The following RPS6KA2 variants were observed in gnomAD, a reference collection of about 807,000 sequenced individuals.
The protein encoded by RPS6KA2 is ribosomal protein S6 kinase A2.
RPS6KA2 carries 42 observed loss-of-function variants against 91.8 expected under a neutral mutation model. The observed-to-expected ratio is 0.46, with a 90% CI of 0.36 to 0.59. The LOEUF is 0.59. Among genes scored for constraint, RPS6KA2 ranks in the 20% least tolerant of loss-of-function variants. The pLI, the probability that RPS6KA2 is intolerant of heterozygous loss-of-function variation, is 0.00. For synonymous variants in RPS6KA2, 414 were observed against 393.6 expected (o/e 1.05, Z -0.61); for missense variants, 798 against 978.5 (o/e 0.82, Z 2.46).
chr6:166,492,720 CTTTT>C (rs10533292), intron 8 of RPS6KA2, among the ~76,000 whole-genome samples: 3 of 141,196 alleles, frequency 2.1e-5, no homozygotes, highest in African/African-American at 2.7e-5. Context: ...TTTTTCTTTT[CTTTT>C]TTTTTTTTTT....
At position 166,430,544 on chromosome 6, in the gene RPS6KA2, C is replaced by G. The variant is rs758931117; in HGVS notation, c.1490G>C (p.Arg497Pro). Reference protein sequence around the residue: ...ELMRGGELLDRILRQRYFSER... With the variant: ...ELMRGGELLDPILRQRYFSER... ...CGAGAAGTATCTCTGCCGGAGGATGCGGTCCAGGAGCTCCCCACCACGCAT... is the reference window on the plus strand; with the variant it reads ...CGAGAAGTATCTCTGCCGGAGGATGGGGTCCAGGAGCTCCCCACCACGCAT... Residue 497 changes from arginine (R) to proline (P), a missense_variant, in exon 16 of 21, where the codon CGC (arginine) becomes CCC (proline). By Grantham distance (103) the Arg-to-Pro change is moderately radical. Transcript: ENST00000265678. 14 of 1,613,938 alleles carry G rather than the reference C, an allele frequency of 8.7e-6. No individual in the cohort carries two copies. Among genetic ancestry groups the G allele is most frequent in the Non-Finnish European group, 1.2e-5 (14 of 1,179,946 alleles).
rs1237904328 is a variant in RPS6KA2 at position 166,448,839 on chromosome 6, C to T, written c.1217G>A (p.Gly406Glu). 2.5e-6 allele frequency: 4 copies of T among 1,613,714 alleles called. No individual in the cohort carries two copies. Among genetic ancestry groups the T allele is most frequent in the African/African-American group, 2.7e-5 (2 of 74,818 alleles). ...PVHPIVQQLH[G>E]NNIHFTDGYE... Reference sequence around the variant, plus strand: ...GCCATCGGTGAAGTGGATGTTGTTCCCGTGTAACTGCTGCAGAGGGACCAA... The same window carrying T: ...GCCATCGGTGAAGTGGATGTTGTTCTCGTGTAACTGCTGCAGAGGGACCAA... Residue 406 changes from glycine (G) to glutamate (E), a missense_variant, in exon 14 of 21, where the codon GGG (glycine) becomes GAG (glutamate). Gly to Glu is a moderately conservative substitution (Grantham distance 98). Coordinates refer to ENST00000265678, the MANE Select transcript of RPS6KA2 (RefSeq NM_021135.6). This position sits in a 1 kb window ranked among gnomAD's most constrained non-coding sequence, Gnocchi z 4.7.
At chr6:166,729,561 T>C (rs906145216) in intron 2 of RPS6KA2, among the ~76,000 whole-genome samples, 3 of 152,180 alleles carry the variant, frequency 2.0e-5, no homozygotes, top group Non-Finnish European at 4.4e-5. Context: ...AAGCTGGTCT[T>C]GAACTCCTGG....
intron 2 of RPS6KA2, among the ~76,000 whole-genome samples, chr6:166,757,260 C>G (rs1183972154): frequency 6.6e-6 from 1 of 152,164 alleles, no homozygotes; most frequent in East Asian, 1.9e-4. Context: ...TGAAAATACA[C>G]TTGGGAACAG....
At position 166,821,661 on chromosome 6, in the gene RPS6KA2, C is replaced by G. The variant is rs1475208813; in HGVS notation, c.123+36539G>C. Among the ~76,000 whole-genome samples the G allele has an allele frequency of 6.6e-6, 1 of 152,004 alleles. No homozygotes were observed. The highest frequency in any genetic ancestry group is 1.9e-4 in the East Asian group (1 of 5,184). ...TATTGCTGTGCCCCAGATTTCCACT[C>G]GGAGCCCTCATCCCTTCATAATCTG... On this transcript the variant is annotated intron_variant, in intron 2 of 21. Transcript: ENST00000503859. This position sits in a 1 kb window ranked among gnomAD's most constrained non-coding sequence, Gnocchi z 4.1.
chr6:166,641,719 C>CCAAAAAAAAAAAAAAAAAAAAAA (rs1787440052), intron 2 of RPS6KA2, among the ~76,000 whole-genome samples: 1 of 28,524 alleles, frequency 3.5e-5, no homozygotes, highest in African/African-American at 8.6e-5. Context: ...GACTCTGTCA[C>CCAAAAAAAAAAAAAAAAAAAAAA]AAAAAAAAAA....
At position 166,584,276 on chromosome 6, in the gene RPS6KA2, T is replaced by C. The variant is rs1418353485; in HGVS notation, c.99+42645A>G. 2.0e-5 allele frequency among the ~76,000 whole-genome samples: 3 copies of C among 152,340 alleles called. No individual in the cohort carries two copies. In the East Asian group the frequency reaches 5.8e-4, roughly 29 times the overall value. On this transcript the variant is annotated intron_variant, in intron 1 of 20. Coordinates refer to ENST00000265678, the MANE Select transcript of RPS6KA2 (RefSeq NM_021135.6). ...GCAAGAGCTCTGGTCTCTCTTCCTCTTCCTCTGAGGACACTACTCCCATCG... is the reference window on the plus strand; with the variant it reads ...GCAAGAGCTCTGGTCTCTCTTCCTCCTCCTCTGAGGACACTACTCCCATCG...
chr6:166,475,617 G>C (rs1780944314), intron 10 of RPS6KA2: 1 of 322,782 alleles, frequency 3.1e-6, no homozygotes, highest in South Asian at 2.7e-5. Flanking sequence ...CTGGAGGTCA[G>C]TGGCAGTGCC....
chr6:166,795,501 C>G (rs73266852), intron 2 of RPS6KA2, among the ~76,000 whole-genome samples: 5,740 of 152,294 alleles, frequency 0.038, 388 homozygotes, highest in African/African-American at 0.13. Flanking sequence ...AACCTGACAG[C>G]CGATCGCAGC....
At position 166,858,285 on chromosome 6, in the gene RPS6KA2, A is replaced by G. The variant is rs764655954; in HGVS notation, c.64-26T>C. ...CTGATAACAAAGATAGATGTTAAAGATGGTTAGCATTGCCATGTGTTTGTA... is the reference window on the plus strand; with the variant it reads ...CTGATAACAAAGATAGATGTTAAAGGTGGTTAGCATTGCCATGTGTTTGTA... On this transcript the variant is annotated intron_variant, in intron 1 of 21. Transcript: ENST00000503859. The G allele has an allele frequency of 3.6e-6, 5 of 1,395,522 alleles. No homozygotes were observed. In the East Asian group the frequency reaches 9.3e-5, roughly 26 times the overall value. 86.4% of individuals were successfully genotyped at this position (1,395,522 alleles called of 1,614,324 possible). A position where few individuals can be genotyped will look rare whatever the true frequency, so the allele number is the denominator to read the frequency against.
chr6:166,444,133 T>A (rs1779603258), intron 14 of RPS6KA2, among the ~76,000 whole-genome samples: 1 of 152,176 alleles, frequency 6.6e-6, no homozygotes, highest in Admixed American at 6.5e-5. Context: ...TAAAAACAAA[T>A]AATTCCCTCT....
rs778211059 is a variant in RPS6KA2, at chr6:166,858,109, A to G, written c.123+91T>C. The stretch of plus-strand genomic sequence containing the variant: ...GTCACTAAAATAACTGCTCACAGAT[A>G]TTTAATTTCAAACTTCCATTTCCCC... On this transcript the variant is annotated intron_variant, in intron 2 of 21. Coordinates refer to the RPS6KA2 transcript ENST00000503859. 7.4e-6 allele frequency: 6 copies of G among 810,980 alleles called. No homozygotes were observed. In the East Asian group the frequency reaches 1.2e-4, roughly 16 times the overall value. The allele number at this position is 810,980 out of a possible 1,614,324, so 50.2% of individuals were successfully genotyped here. A position where few individuals can be genotyped will look rare whatever the true frequency, so the allele number is the denominator to read the frequency against.
At chr6:166,729,607 GT>G (rs1464766717) in intron 2 of RPS6KA2, among the ~76,000 whole-genome samples, 1 of 152,192 alleles carries the variant, frequency 6.6e-6, no homozygotes, top group Non-Finnish European at 1.5e-5. Context: ...CTCCCAAACT[GT>G]TGGGATTACA....
intron 1 of RPS6KA2, among the ~76,000 whole-genome samples, chr6:166,549,532 GT>G (rs1208319396): frequency 3.9e-5 from 6 of 152,064 alleles, no homozygotes; most frequent in Non-Finnish European, 7.4e-5. Flanking sequence ...ATTACGCTCA[GT>G]GAAAAAAAGC....
At position 166,752,061 on chromosome 6, in the gene RPS6KA2, G is replaced by T. The variant is rs144997653; in HGVS notation, c.123+106139C>A. ...CCTGAGACCTCAAAGGCGACACCAG[G>T]TCCATTTGTACCTGGGTATTCAATG... On this transcript the variant is annotated intron_variant, in intron 2 of 21. Coordinates refer to the RPS6KA2 transcript ENST00000503859. Among the ~76,000 whole-genome samples the T allele has an allele frequency of 3.1e-3, 467 of 152,344 alleles. 3 individuals carry two copies. The highest frequency in any genetic ancestry group is 0.011 in the African/African-American group (446 of 41,582).
chr6:166,414,024 C>A, intron 19 of RPS6KA2, 93 bp from the exon 20 acceptor site: 1 of 1,163,154 alleles, frequency 8.6e-7, no homozygotes, highest in Admixed American at 1.9e-5. Context: ...CCCTCTATGG[C>A]AACACCCAAC....
chr6:166,506,214 C>T (rs925053903), intron 5 of RPS6KA2, among the ~76,000 whole-genome samples: 1 of 152,190 alleles, frequency 6.6e-6, no homozygotes, highest in Admixed American at 6.5e-5. Flanking sequence ...CCGCAGGTTC[C>T]CAGCAACTCC....
rs34024448 is a variant in RPS6KA2, at chr6:166,648,034, ATG to A, written c.124-109252_124-109251del. ...CATGCTTACACACATACATACACAC[ATG>A]CTCTCACACACATGCACATGCTCAC... On this transcript the variant is annotated intron_variant, in intron 2 of 21. Transcript: ENST00000503859. This position sits in a 1 kb window ranked among gnomAD's most constrained non-coding sequence, Gnocchi z 4.8. Among the ~76,000 whole-genome samples, 25,462 of 145,582 alleles carry A rather than the reference ATG, an allele frequency of 0.17. 2,492 individuals carry two copies. The highest frequency in any genetic ancestry group is 0.27 in the African/African-American group (10,142 of 37,486).
intron 2 of RPS6KA2, among the ~76,000 whole-genome samples, chr6:166,667,240 G>A (rs537961583): frequency 2.0e-5 from 3 of 152,246 alleles, no homozygotes; most frequent in East Asian, 1.9e-4. Context: ...TGCTTGAGAC[G>A]GTAAATTTAA....
Sources: gnomAD v4.1 joint callset for allele counts (sites outside exome capture counted in the v4.1 genomes callset) on GRCh38, gnomAD v4.1.1 for gene constraint, Gnocchi (gnomAD v3.1) non-coding constraint, MANE v1.5 for transcripts, NCBI Gene and HGNC (gene_info 2026-07-23, HGNC 2026-07-21) for gene names.